The following IGF2BP3 variants were observed in gnomAD, a reference collection of about 807,000 sequenced individuals.
IGF2BP3 encodes the protein insulin-like growth factor 2 mRNA-binding protein 3.
A neutral mutation model predicts 73.8 loss-of-function variants in IGF2BP3; 9 were observed. That is an observed-to-expected ratio of 0.12 (90% CI 0.07 to 0.21). The LOEUF (loss-of-function observed/expected upper bound fraction) is 0.21. Among genes scored for constraint, IGF2BP3 ranks in the 10% least tolerant of loss-of-function variants. IGF2BP3 has a pLI of 1.00. For missense variants in IGF2BP3, 542 were observed against 714.0 expected, an observed-to-expected ratio of 0.76 and a Z score of 2.75; for synonymous variants, 258 against 256.7, an observed-to-expected ratio of 1.01 and a Z score of -0.05.
chr7:23,319,393 A>T, intron 10 of IGF2BP3, 139 bp from the exon 11 acceptor site: 1 of 627,596 alleles, frequency 1.6e-6, no homozygotes, highest in South Asian at 2.0e-5. Context: ...TAAGAAGTTG[A>T]CCAGACCTTA....
At chr7:23,347,960 G>T in intron 6 of IGF2BP3, 1 of 505,232 alleles carries the variant, frequency 2.0e-6, no homozygotes, top group South Asian at 3.0e-5. Flanking sequence ...ACCAAGCGGG[G>T]ACATCTTTTC....
chr7:23,446,604 T>A (rs974450622), intron 2 of IGF2BP3, among the ~76,000 whole-genome samples: 3 of 151,994 alleles, frequency 2.0e-5, no homozygotes, highest in Non-Finnish European at 4.4e-5. Context: ...TAAAGAGAAG[T>A]AGAAAGCCAC....
chr7:23,414,126 G>T (rs540156269), intron 3 of IGF2BP3: 1 of 152,006 alleles, frequency 6.6e-6, no homozygotes, highest in African/African-American at 2.4e-5. Flanking sequence ...CTCCAACCTG[G>T]GTGACAGAGC....
At chr7:23,446,989 G>T (rs1315694694) in intron 2 of IGF2BP3, among the ~76,000 whole-genome samples, 2 of 151,892 alleles carry the variant, frequency 1.3e-5, no homozygotes, top group South Asian at 4.1e-4. Flanking sequence ...GATCACTTGA[G>T]GTCAGGAGTT....
chr7:23,351,156 T>C (rs764726851), intron 6 of IGF2BP3, 149 bp downstream of exon 6: 9 of 750,534 alleles, frequency 1.2e-5, no homozygotes, highest in Non-Finnish European at 1.7e-5. Flanking sequence ...AACACCAAGA[T>C]ACTGCAAGAT....
chr7:23,371,178 C>A (rs1785531483), intron 3 of IGF2BP3, among the ~76,000 whole-genome samples: 1 of 151,928 alleles, frequency 6.6e-6, no homozygotes, highest in South Asian at 2.1e-4. Flanking sequence ...CACACACACA[C>A]CCTTCCAAGC....
At chr7:23,328,731 A>C (rs1784367487) in intron 10 of IGF2BP3, among the ~76,000 whole-genome samples, 1 of 152,214 alleles carries the variant, frequency 6.6e-6, no homozygotes, top group South Asian at 2.1e-4. Context: ...TGACCAAGTA[A>C]TTTAGACCTC....
chr7:23,443,689 A>ATAT (rs1243085071), intron 2 of IGF2BP3, among the ~76,000 whole-genome samples: 1 of 151,872 alleles, frequency 6.6e-6, no homozygotes, highest in Non-Finnish European at 1.5e-5. Context: ...AATAATAATA[A>ATAT]TAAGCAAAAA....
At chr7:23,444,149 C>CT (rs1039357552) in intron 2 of IGF2BP3, among the ~76,000 whole-genome samples, 4 of 152,030 alleles carry the variant, frequency 2.6e-5, no homozygotes, top group Non-Finnish European at 5.9e-5. Flanking sequence ...GGGTTTTGTT[C>CT]TTTTTTTATT....
At chr7:23,401,225 G>A (rs971400752) in intron 3 of IGF2BP3, among the ~76,000 whole-genome samples, 15 of 152,192 alleles carry the variant, frequency 9.9e-5, no homozygotes, top group Admixed American at 7.9e-4. Flanking sequence ...CTGTGGCCGA[G>A]TAGTAGGACC....
At chr7:23,383,868 G>A (rs561548294) in intron 3 of IGF2BP3, among the ~76,000 whole-genome samples, 33 of 151,950 alleles carry the variant, frequency 2.2e-4, no homozygotes, top group Admixed American at 7.9e-4. Flanking sequence ...AGGCCGAGGC[G>A]GGCAGATCAT....
At chr7:23,324,386 C>G (rs1263313506) in intron 10 of IGF2BP3, among the ~76,000 whole-genome samples, 2 of 151,606 alleles carry the variant, frequency 1.3e-5, no homozygotes, top group Admixed American at 1.3e-4. Context: ...AGTTGAATCT[C>G]TGAATAGACC....
rs946715557 is a variant in IGF2BP3 at position 23,310,351 on chromosome 7, G to A, written c.*2011C>T. 3 of 152,206 alleles carry A rather than the reference G, an allele frequency of 2.0e-5. No individual in the cohort carries two copies. The highest frequency in any genetic ancestry group is 7.2e-5 in the African/African-American group (3 of 41,444). 9.4% of individuals were successfully genotyped at this position (152,206 alleles called of 1,614,324 possible). A position where few individuals can be genotyped will look rare whatever the true frequency, so the allele number is the denominator to read the frequency against. On this transcript the variant is annotated 3_prime_UTR_variant, in exon 15 of 15. Transcript: ENST00000258729. ...TAGAATTATTTCTTAGCTAGTACCA[G>A]ATACTCCAAATTACAAATGCTTAAG...
intron 2 of IGF2BP3, among the ~76,000 whole-genome samples, chr7:23,434,173 CAAG>C (rs1270448378): frequency 4.0e-5 from 6 of 151,538 alleles, no homozygotes; most frequent in African/African-American, 1.2e-4. Flanking sequence ...ACTGTACCTG[CAAG>C]AAGAGGTGTT....
chr7:23,383,774 G>A (rs1356426599), intron 3 of IGF2BP3, among the ~76,000 whole-genome samples: 2 of 152,162 alleles, frequency 1.3e-5, no homozygotes, highest in Non-Finnish European at 2.9e-5. Context: ...GTATATTTAT[G>A]CAGTGGAGTA....
chr7:23,392,670 C>T (rs1360414021), intron 3 of IGF2BP3, among the ~76,000 whole-genome samples: 1 of 152,032 alleles, frequency 6.6e-6, no homozygotes, highest in African/African-American at 2.4e-5. Flanking sequence ...TGCTCTGACA[C>T]CCAGGCCACA....
intron 13 of IGF2BP3, 61 bp downstream of exon 13, chr7:23,313,461 C>G: frequency 6.3e-7 from 1 of 1,582,764 alleles, no homozygotes; most frequent in Non-Finnish European, 8.6e-7. Flanking sequence ...CTTGGAACTC[C>G]TAAGTACCTT....
intron 10 of IGF2BP3, among the ~76,000 whole-genome samples, chr7:23,331,708 A>G (rs188700508): frequency 8.3e-4 from 126 of 152,102 alleles, no homozygotes; most frequent in African/African-American, 2.8e-3. Context: ...GAAAATACAA[A>G]AATTAGCTGG....
At chr7:23,411,245 TA>T (rs1160336240) in intron 3 of IGF2BP3, among the ~76,000 whole-genome samples, 38 of 152,368 alleles carry the variant, frequency 2.5e-4, no homozygotes, top group African/African-American at 8.9e-4. Flanking sequence ...TCTGTTGAGT[TA>T]AAGCACCTCA....
Sources: allele counts gnomAD v4.1 joint callset (sites outside exome capture counted in the v4.1 genomes callset), GRCh38; gene constraint gnomAD v4.1.1; transcripts MANE v1.5; gene names NCBI Gene and HGNC (gene_info 2026-07-23, HGNC 2026-07-21).